Variants in FAM135B observed in about 807,000 individuals in gnomAD.
The protein encoded by FAM135B is family with sequence similarity 135 member B, also known as protein FAM135B.
In FAM135B, 43 loss-of-function variants were observed where a neutral mutation model predicts 127.7. That is an observed-to-expected ratio of 0.34 (90% CI 0.26 to 0.43). FAM135B has a LOEUF of 0.43. FAM135B is among the 20% of genes least tolerant of loss of function. The probability of loss-of-function intolerance (pLI) is 1.00; values close to 1 mark genes in which losing one functional copy is unlikely to be tolerated. For synonymous variants in FAM135B, 670 were observed against 665.1 expected (o/e 1.01, Z -0.11); for missense variants, 1,558 against 1,725.6 (o/e 0.90, Z 1.72).
At chr8:138,360,078 T>G (rs994162443) in intron 2 of FAM135B, among the ~76,000 whole-genome samples, 1 of 152,034 alleles carries the variant, frequency 6.6e-6, no homozygotes, top group Non-Finnish European at 1.5e-5. Context: ...CTAAATGATA[T>G]GTAAAGAAGG....
Position 138,383,108 on chromosome 8 carries a change from G to A in FAM135B, c.-19-15106C>T, listed in dbSNP as rs114544672. On this transcript the variant is annotated intron_variant, in intron 1 of 19. Coordinates refer to ENST00000395297, the MANE Select transcript of FAM135B (RefSeq NM_015912.4). ...CCCAACCTCAAAAGTGTCCCTTGCT[G>A]CACTGTCAACTACTTATCTACATGT... 8.9e-3 allele frequency among the ~76,000 whole-genome samples: 1,354 copies of A among 152,296 alleles called. 23 individuals carry two copies. Among genetic ancestry groups the A allele is most frequent in the African/African-American group, 0.031 (1,295 of 41,564 alleles).
chr8:138,378,126 C>T (rs1587287314), intron 1 of FAM135B, among the ~76,000 whole-genome samples: 1 of 152,220 alleles, frequency 6.6e-6, no homozygotes, highest in Admixed American at 6.5e-5. Flanking sequence ...TTGGGGCCAA[C>T]TTCTCATAGC....
At chr8:138,358,418 G>A (rs1406626318) in intron 2 of FAM135B, 3 of 152,208 alleles carry the variant, frequency 2.0e-5, no homozygotes, top group Non-Finnish European at 4.4e-5. Flanking sequence ...CTGACCAGCT[G>A]AGGATGTTTG....
intron 4 of FAM135B, among the ~76,000 whole-genome samples, chr8:138,260,425 C>A (rs1034083435): frequency 2.6e-5 from 4 of 152,070 alleles, no homozygotes; most frequent in Admixed American, 2.6e-4. Flanking sequence ...ACAGCTAGTG[C>A]CCCCGCGAAA....
chr8:138,247,624 G>A (rs1258239205), intron 6 of FAM135B, among the ~76,000 whole-genome samples: 2 of 152,122 alleles, frequency 1.3e-5, no homozygotes, highest in Admixed American at 1.3e-4. Context: ...AGCAGAGTGA[G>A]AACAGACTAA....
intron 1 of FAM135B, among the ~76,000 whole-genome samples, chr8:138,436,596 C>T (rs920013565): frequency 3.9e-5 from 6 of 152,188 alleles, no homozygotes; most frequent in African/African-American, 1.4e-4. Flanking sequence ...CATCAGTTTG[C>T]AACCATGTGT....
At chr8:138,488,026 G>A (rs372613610) in intron 1 of FAM135B, among the ~76,000 whole-genome samples, 21 of 151,674 alleles carry the variant, frequency 1.4e-4, no homozygotes, top group Middle Eastern at 3.4e-3. Flanking sequence ...AAAAAAAGAC[G>A]CCTGTCAGTG....
At chr8:138,304,492 A>G (rs959711946) in intron 3 of FAM135B, among the ~76,000 whole-genome samples, 4 of 152,240 alleles carry the variant, frequency 2.6e-5, no homozygotes, top group African/African-American at 4.8e-5. Context: ...TAATTCTGAC[A>G]GGGGCAGGAG....
At chr8:138,157,393 G>C (rs148884228) in intron 12 of FAM135B, among the ~76,000 whole-genome samples, 49,070 of 152,026 alleles carry the variant, frequency 0.32, 9,091 homozygotes, top group East Asian at 0.55. Context: ...GCATAAGACA[G>C]GGATGCCTTC....
At chr8:138,218,298 G>A (rs1017059878) in intron 7 of FAM135B, among the ~76,000 whole-genome samples, 3 of 152,190 alleles carry the variant, frequency 2.0e-5, no homozygotes, top group Non-Finnish European at 4.4e-5. Context: ...GGAAAAAGAT[G>A]AGAGCTACCA....
rs1473482539 is a variant in FAM135B at position 138,354,487 on chromosome 8, T to TGATACC, written c.77+13414_77+13419dup. ...GCCCTCTCTTCCAAGTAACCCATCCTGATACCTCCTGGGTGGGCGTTTTGG... is the reference window on the plus strand; with the variant it reads ...GCCCTCTCTTCCAAGTAACCCATCCTGATACCGATACCTCCTGGGTGGGCGTTTTGG... On this transcript the variant is annotated intron_variant, in intron 2 of 19. Coordinates refer to ENST00000395297, the MANE Select transcript of FAM135B (RefSeq NM_015912.4). 2.0e-4 allele frequency among the ~76,000 whole-genome samples: 30 copies of TGATACC among 152,266 alleles called. 1 individual carries two copies. The highest frequency in any genetic ancestry group is 1.6e-3 in the Admixed American group (25 of 15,284).
At chr8:138,337,148 A>G (rs1233346973) in intron 2 of FAM135B, among the ~76,000 whole-genome samples, 3 of 152,124 alleles carry the variant, frequency 2.0e-5, no homozygotes, top group Non-Finnish European at 4.4e-5. Flanking sequence ...CACAGACAAT[A>G]TCATACTGAA....
At chr8:138,164,680 T>C (rs1819733855) in intron 12 of FAM135B, among the ~76,000 whole-genome samples, 1 of 152,198 alleles carries the variant, frequency 6.6e-6, no homozygotes, top group African/African-American at 2.4e-5. Context: ...CGCTTAGAAT[T>C]GTCCCGTCTT....
chr8:138,373,750 G>A (rs1264619268), intron 1 of FAM135B, among the ~76,000 whole-genome samples: 1 of 152,014 alleles, frequency 6.6e-6, no homozygotes, highest in African/African-American at 2.4e-5. Context: ...CCCCTTGGGT[G>A]TGGCCGTCTT....
At chr8:138,488,406 T>C (rs533532861) in intron 1 of FAM135B, among the ~76,000 whole-genome samples, 2 of 151,498 alleles carry the variant, frequency 1.3e-5, no homozygotes, top group South Asian at 4.2e-4. Flanking sequence ...CAGATAATGA[T>C]ATGATAATGA....
intron 2 of FAM135B, among the ~76,000 whole-genome samples, chr8:138,312,074 G>A (rs1413014487): frequency 6.6e-6 from 1 of 151,990 alleles, no homozygotes; most frequent in Non-Finnish European, 1.5e-5. Flanking sequence ...AGCCTCCCAC[G>A]TAGCTGGGAC....
chr8:138,442,240 A>C (rs998457653), intron 1 of FAM135B, among the ~76,000 whole-genome samples: 4 of 94,010 alleles, frequency 4.3e-5, no homozygotes, highest in African/African-American at 1.7e-4. Context: ...TGGACACCAT[A>C]TATATATATA....
intron 3 of FAM135B, among the ~76,000 whole-genome samples, chr8:138,280,304 A>C (rs1448465779): frequency 3.9e-5 from 6 of 152,164 alleles, no homozygotes; most frequent in African/African-American, 1.4e-4. Flanking sequence ...GTATCAGTGA[A>C]CACCTAGGCC....
At chr8:138,432,152 G>A (rs907586557) in intron 1 of FAM135B, among the ~76,000 whole-genome samples, 2 of 152,282 alleles carry the variant, frequency 1.3e-5, no homozygotes. Flanking sequence ...CACAAAAGAG[G>A]AGAGACTACT....
Sources: allele counts gnomAD v4.1 joint callset (sites outside exome capture counted in the v4.1 genomes callset), GRCh38; gene constraint gnomAD v4.1.1; transcripts MANE v1.5; gene names NCBI Gene and HGNC (gene_info 2026-07-23, HGNC 2026-07-21).